Variants in ADAM22 observed in about 807,000 individuals in gnomAD.
ADAM22 encodes the protein ADAM metallopeptidase domain 22, also known as disintegrin and metalloproteinase domain-containing protein 22.
ADAM22 carries 65 observed loss-of-function variants against 144.6 expected under a neutral mutation model. The ratio of observed to expected loss-of-function variants is 0.45; its 90% CI spans 0.37 to 0.55. ADAM22 has a LOEUF of 0.55. Ranked by LOEUF, ADAM22 falls within the 20% of genes least tolerant of loss-of-function variation. ADAM22 has a pLI of 0.00. For missense variants in ADAM22, 974 were observed against 1,184.9 expected, an observed-to-expected ratio of 0.82 and a Z score of 2.61; for synonymous variants, 391 against 412.6, an observed-to-expected ratio of 0.95 and a Z score of 0.63.
At chr7:88,015,144 T>C (rs550952629) in intron 3 of ADAM22, among the ~76,000 whole-genome samples, 1 of 152,336 alleles carries the variant, frequency 6.6e-6, no homozygotes, top group African/African-American at 2.4e-5. Flanking sequence ...ATAATACCTT[T>C]GTTCTGAAGA....
In ADAM22 at chr7:88,196,758, T is replaced by A. The variant is rs1013723165; in HGVS notation, c.*267T>A. On this transcript the variant is annotated 3_prime_UTR_variant, in exon 32 of 32. Coordinates refer to ENST00000413139, the MANE Select transcript of ADAM22 (RefSeq NM_001324418.2). Reference sequence around the variant, plus strand: ...AAGGTACTGGTATGTTAATGGATAATCCGCATGACAGATAATATGTAGAAA... The same window carrying A: ...AAGGTACTGGTATGTTAATGGATAAACCGCATGACAGATAATATGTAGAAA... 3 of 482,304 alleles carry A rather than the reference T, an allele frequency of 6.2e-6. No individual in the cohort carries two copies. Among genetic ancestry groups the A allele is most frequent in the Non-Finnish European group, 1.1e-5 (3 of 266,282 alleles). The allele number at this position is 482,304 out of a possible 1,614,324, so 29.9% of individuals were successfully genotyped here. A position where few individuals can be genotyped will look rare whatever the true frequency, so the allele number is the denominator to read the frequency against.
At chr7:88,184,281 T>G (rs947391865) in intron 29 of ADAM22, 5 of 395,780 alleles carry the variant, frequency 1.3e-5, no homozygotes, top group African/African-American at 1.1e-4. Flanking sequence ...TTATATATTG[T>G]GTTTTTACAG....
intron 3 of ADAM22, among the ~76,000 whole-genome samples, chr7:88,046,766 T>C (rs1563098126): frequency 6.6e-6 from 1 of 152,232 alleles, no homozygotes; most frequent in African/African-American, 2.4e-5. Context: ...AGAGTCTGAT[T>C]TTATTGTTTT....
At chr7:88,072,664 T>C (rs1196116276) in intron 3 of ADAM22, among the ~76,000 whole-genome samples, 1 of 152,260 alleles carries the variant, frequency 6.6e-6, no homozygotes, top group Non-Finnish European at 1.5e-5. Context: ...CTTTTGACTT[T>C]CTGTTTCTCT....
At chr7:88,083,512 C>T (rs1043077968) in intron 4 of ADAM22, among the ~76,000 whole-genome samples, 17 of 151,350 alleles carry the variant, frequency 1.1e-4, no homozygotes, top group African/African-American at 7.3e-5. Flanking sequence ...TATAATGAAA[C>T]CCCCCATTCC....
At chr7:88,063,752 A>G (rs765573669) in intron 3 of ADAM22, among the ~76,000 whole-genome samples, 13 of 152,318 alleles carry the variant, frequency 8.5e-5, no homozygotes, top group Middle Eastern at 3.4e-3. Flanking sequence ...AAAGATCAGA[A>G]TCAGAATAGC....
At chr7:88,104,910 A>G (rs1471751755) in intron 4 of ADAM22, among the ~76,000 whole-genome samples, 2 of 152,160 alleles carry the variant, frequency 1.3e-5, no homozygotes, top group African/African-American at 2.4e-5. Context: ...GCTTTTGTGC[A>G]GATGCATCCT....
rs139992621 is a variant in ADAM22, at chr7:87,948,031, T to C, written c.246+12845T>C. The stretch of plus-strand genomic sequence containing the variant: ...ACATCAGGTTTTCCCTGGACAATTG[T>C]TTCTTCTCTTTTTTCTTCTTCTCTT... On this transcript the variant is annotated intron_variant, in intron 2 of 31. Transcript: ENST00000413139. Among the ~76,000 whole-genome samples the C allele has an allele frequency of 8.6e-4, 131 of 152,176 alleles. 4 individuals are homozygous for C. In the East Asian group the frequency reaches 0.023, roughly 27 times the overall value.
intron 3 of ADAM22, among the ~76,000 whole-genome samples, chr7:88,053,626 AAG>A (rs1491082721): frequency 8.6e-6 from 1 of 116,644 alleles, no homozygotes; most frequent in Non-Finnish European, 2.0e-5. Flanking sequence ...GAAAGAAAGA[AAG>A]AAAGAAAGAA....
chr7:88,014,248 A>G (rs1796074035), intron 3 of ADAM22, among the ~76,000 whole-genome samples: 1 of 152,134 alleles, frequency 6.6e-6, no homozygotes, highest in South Asian at 2.1e-4. Context: ...ACAAAAACAC[A>G]TTGTCCCAAG....
intron 22 of ADAM22, among the ~76,000 whole-genome samples, chr7:88,161,299 C>T (rs1375211634): frequency 6.6e-6 from 1 of 151,370 alleles, no homozygotes; most frequent in African/African-American, 2.4e-5. Context: ...CCCTTTCTTA[C>T]ACCATATACA....
chr7:88,097,831 G>A (rs1002107825), intron 4 of ADAM22, among the ~76,000 whole-genome samples: 8 of 152,014 alleles, frequency 5.3e-5, no homozygotes. Context: ...TCCATATAGA[G>A]TAATGCATTT....
chr7:88,116,046 C>T (rs1265194990), intron 6 of ADAM22, among the ~76,000 whole-genome samples: 4 of 152,136 alleles, frequency 2.6e-5, no homozygotes, highest in African/African-American at 9.7e-5. Context: ...CATAAACCAT[C>T]TTGTTTGGGA....
chr7:88,035,586 C>CA (rs1801336498), intron 3 of ADAM22, among the ~76,000 whole-genome samples: 1 of 152,230 alleles, frequency 6.6e-6, no homozygotes, highest in Admixed American at 6.5e-5. Context: ...TGGATGGTTG[C>CA]ATCTGTTCTG....
chr7:87,963,650 A>G (rs1848461564), intron 2 of ADAM22, among the ~76,000 whole-genome samples: 1 of 152,186 alleles, frequency 6.6e-6, no homozygotes, highest in Non-Finnish European at 1.5e-5. Flanking sequence ...ACACATCAAC[A>G]GCACAGAACA....
chr7:88,166,041 A>G, intron 24 of ADAM22, 95 bp downstream of exon 24: 1 of 770,210 alleles, frequency 1.3e-6, no homozygotes, highest in Admixed American at 3.3e-5. Flanking sequence ...TATGATAATC[A>G]GAAATACATT....
At chr7:88,191,671 C>A (rs3810875) in intron 30 of ADAM22, among the ~76,000 whole-genome samples, 52,354 of 151,912 alleles carry the variant, frequency 0.34, 9,145 homozygotes, top group African/African-American at 0.39. Context: ...TTTAATAGAA[C>A]TTTAGAGAAT....
chr7:88,165,231 G>A (rs774002717), intron 23 of ADAM22, among the ~76,000 whole-genome samples: 13 of 151,950 alleles, frequency 8.6e-5, no homozygotes, highest in Non-Finnish European at 1.8e-4. Context: ...AAAAAAAATG[G>A]TGTCAATTTT....
chr7:87,938,890 C>G (rs995200175), intron 2 of ADAM22, among the ~76,000 whole-genome samples: 13 of 152,158 alleles, frequency 8.5e-5, no homozygotes, highest in Non-Finnish European at 1.6e-4. Flanking sequence ...ACCTTGTGAT[C>G]CGCCCACCTT....
Sources: gnomAD v4.1 joint callset for allele counts (sites outside exome capture counted in the v4.1 genomes callset) on GRCh38, gnomAD v4.1.1 for gene constraint, MANE v1.5 for transcripts, NCBI Gene and HGNC (gene_info 2026-07-23, HGNC 2026-07-21) for gene names.